ANKS1B: variants seen among roughly 807,000 people sequenced by gnomAD.
ANKS1B encodes ankyrin repeat and sterile alpha motif domain-containing protein 1B.
In ANKS1B, 36 loss-of-function variants were observed where a neutral mutation model predicts 148.3. That is an observed-to-expected ratio of 0.24 (90% confidence interval 0.19 to 0.32). The LOEUF (loss-of-function observed/expected upper bound fraction) is 0.32, where lower values mean the gene tolerates loss of function less well. Among genes scored for constraint, ANKS1B ranks in the 10% least tolerant of loss-of-function variants. The pLI is 1.00. For synonymous variants in ANKS1B, 542 were observed against 560.8 expected (o/e 0.97, Z 0.47); for missense variants, 1,157 against 1,542.6 (o/e 0.75, Z 4.19).
Position 99,621,886 on chromosome 12 carries a change from G to T in ANKS1B, c.1272+33181C>A, listed in dbSNP as rs1242755460. Among the ~76,000 whole-genome samples the T allele has an allele frequency of 2.0e-5, 3 of 151,822 alleles. No homozygotes were observed. The East Asian group carries it at 5.8e-4, about 29-fold the overall frequency. The stretch of plus-strand genomic sequence containing the variant: ...ACAAAGAAATTCTGGACTTCAATTT[G>T]ACACTTGACTAATTGGATCTAATAT... On this transcript the variant is annotated intron_variant, in intron 9 of 26. Coordinates refer to ENST00000683438, the MANE Select transcript of ANKS1B (RefSeq NM_001352186.2).
intron 2 of ANKS1B, among the ~76,000 whole-genome samples, chr12:99,817,278 G>A (rs2081995096): frequency 6.7e-6 from 1 of 150,272 alleles, no homozygotes; most frequent in Non-Finnish European, 1.5e-5. Flanking sequence ...CTGTCTTCCT[G>A]TGCCTGGCTC....
At chr12:99,490,195 T>C (rs1426406378) in intron 10 of ANKS1B, among the ~76,000 whole-genome samples, 1 of 152,240 alleles carries the variant, frequency 6.6e-6, no homozygotes, top group African/African-American at 2.4e-5. Flanking sequence ...AACAAATGAA[T>C]TGGTGGATAG....
chr12:99,012,625 C>G (rs2153415505), intron 17 of ANKS1B, among the ~76,000 whole-genome samples: 1 of 152,196 alleles, frequency 6.6e-6, no homozygotes, highest in Non-Finnish European at 1.5e-5. Context: ...TCATACAGCT[C>G]AAAATTGATG....
At chr12:99,711,711 T>C (rs2056663251) in intron 8 of ANKS1B, among the ~76,000 whole-genome samples, 1 of 152,070 alleles carries the variant, frequency 6.6e-6, no homozygotes, top group African/African-American at 2.4e-5. Flanking sequence ...GCTGTCAAGG[T>C]TGCAGAGAAA....
intron 1 of ANKS1B, among the ~76,000 whole-genome samples, chr12:99,929,076 T>G (rs1306422089): frequency 6.6e-6 from 1 of 152,220 alleles, no homozygotes. Context: ...ATAAGCTTCA[T>G]TTGTCCAACA....
At chr12:99,281,005 C>T (rs1364934516) in intron 12 of ANKS1B, among the ~76,000 whole-genome samples, 1 of 151,852 alleles carries the variant, frequency 6.6e-6, no homozygotes, top group Non-Finnish European at 1.5e-5. Context: ...AACACATGAG[C>T]CTAAACCATA....
At chr12:99,079,049 C>T (rs562233343) in intron 16 of ANKS1B, among the ~76,000 whole-genome samples, 7 of 152,036 alleles carry the variant, frequency 4.6e-5, no homozygotes, top group Admixed American at 2.0e-4. Context: ...GGCCTCAGTC[C>T]GAAAATCCCT....
chr12:98,774,825 T>A (rs2098651594), intron 24 of ANKS1B, among the ~76,000 whole-genome samples: 1 of 152,154 alleles, frequency 6.6e-6, no homozygotes, highest in South Asian at 2.1e-4. Context: ...ATTAAGACAT[T>A]TTTCACCGTG....
In ANKS1B at chr12:99,155,876, A is replaced by G. The variant is rs558596276; in HGVS notation, c.2420-1481T>C. ...CTCACGAAGCCTCAATTTATTAGAAAGATATTTCACTTCCTACCTTGCTTC... is the reference window on the plus strand; with the variant it reads ...CTCACGAAGCCTCAATTTATTAGAAGGATATTTCACTTCCTACCTTGCTTC... On this transcript the variant is annotated intron_variant, in intron 14 of 26. Coordinates refer to ENST00000683438, the MANE Select transcript of ANKS1B (RefSeq NM_001352186.2). Among the ~76,000 whole-genome samples the G allele has an allele frequency of 9.9e-5, 15 of 152,246 alleles. No homozygotes were observed. The South Asian group carries it at 3.1e-3, about 32-fold the overall frequency.
intron 9 of ANKS1B, among the ~76,000 whole-genome samples, chr12:99,505,636 A>C (rs2096703840): frequency 1.4e-5 from 2 of 148,032 alleles, no homozygotes; most frequent in Admixed American, 6.8e-5. Flanking sequence ...TATATATTAT[A>C]TATATATGTA....
chr12:98,874,085 T>C (rs1420854569), intron 17 of ANKS1B, among the ~76,000 whole-genome samples: 1 of 152,150 alleles, frequency 6.6e-6, no homozygotes, highest in Admixed American at 6.5e-5. Context: ...CCTCTATAAA[T>C]AATGTAGCTG....
chr12:99,901,247 G>A (rs771499914), intron 1 of ANKS1B, among the ~76,000 whole-genome samples: 5 of 152,108 alleles, frequency 3.3e-5, no homozygotes, highest in Non-Finnish European at 5.9e-5. Flanking sequence ...CAAGAAGGAA[G>A]AAAAGAATCA....
At chr12:99,880,160 A>C (rs574605222) in intron 1 of ANKS1B, among the ~76,000 whole-genome samples, 23 of 152,226 alleles carry the variant, frequency 1.5e-4, no homozygotes, top group Non-Finnish European at 3.1e-4. Context: ...ACAAACTACT[A>C]TTATTAACTC....
chr12:99,500,185 G>A lies in ANKS1B; in HGVS notation c.1438+4291C>T, dbSNP rs116732583. ...AAAGAAGAGGTTTGGTAAGCAGGGTGATGACAGCCTTCAACAAGCCAGGAA... is the reference window on the plus strand; with the variant it reads ...AAAGAAGAGGTTTGGTAAGCAGGGTAATGACAGCCTTCAACAAGCCAGGAA... On this transcript the variant is annotated intron_variant, in intron 10 of 26. Transcript: ENST00000683438. Among the ~76,000 whole-genome samples the A allele has an allele frequency of 7.9e-3, 1,197 of 152,260 alleles. 12 individuals carry two copies. Among genetic ancestry groups the A allele is most frequent in the African/African-American group, 0.027 (1,113 of 41,552 alleles).
At chr12:99,177,919 C>T (rs1443835226) in intron 14 of ANKS1B, among the ~76,000 whole-genome samples, 1 of 152,132 alleles carries the variant, frequency 6.6e-6, no homozygotes, top group African/African-American at 2.4e-5. Context: ...ATTTTCAGTT[C>T]ATTGTGATAG....
At chr12:99,131,831 C>G (rs996275297) in intron 15 of ANKS1B, among the ~76,000 whole-genome samples, 1 of 152,226 alleles carries the variant, frequency 6.6e-6, no homozygotes, top group Non-Finnish European at 1.5e-5. Context: ...GCCGCCTACT[C>G]AGCCTCCTTC....
chr12:98,810,348 A>T (rs2099085077), intron 19 of ANKS1B, among the ~76,000 whole-genome samples: 1 of 152,236 alleles, frequency 6.6e-6, no homozygotes, highest in African/African-American at 2.4e-5. Flanking sequence ...CACATGTTAC[A>T]TGCATGTTGG....
rs567861259 is a variant in ANKS1B at position 99,524,424 on chromosome 12, A to T, written c.1273-19783T>A. Among the ~76,000 whole-genome samples, 6 of 152,268 alleles carry T rather than the reference A, an allele frequency of 3.9e-5. No homozygotes were observed. The South Asian group carries it at 1.2e-3, about 32-fold the overall frequency. ...GGAACTTTGCAGATGTAAGTCAAGG[A>T]TCTTGCTATGAGGAGATCATACTGC... On this transcript the variant is annotated intron_variant, in intron 9 of 26. Transcript: ENST00000683438.
intron 1 of ANKS1B, among the ~76,000 whole-genome samples, chr12:99,965,662 G>A (rs763927326): frequency 7.9e-5 from 12 of 152,172 alleles, no homozygotes; most frequent in African/African-American, 2.9e-4. Flanking sequence ...GGTGGCTCAC[G>A]CCAGTAATCC....
Sources: gnomAD v4.1 joint callset for allele counts (sites outside exome capture counted in the v4.1 genomes callset) on GRCh38, gnomAD v4.1.1 for gene constraint, MANE v1.5 for transcripts, NCBI Gene and HGNC (gene_info 2026-07-23, HGNC 2026-07-21) for gene names.